The following PTBP2 variants were observed in gnomAD, a reference collection of about 807,000 sequenced individuals.
PTBP2 encodes polypyrimidine tract-binding protein 2.
In PTBP2, 13 loss-of-function variants were observed where a neutral mutation model predicts 61.4. The observed-to-expected ratio is 0.21, with a 90% CI of 0.14 to 0.34. The LOEUF is 0.34. PTBP2 is among the 10% of genes least tolerant of loss of function. The pLI is 1.00. For synonymous variants in PTBP2, 215 were observed against 218.5 expected, an observed-to-expected ratio of 0.98 and a Z score of 0.14; for missense variants, 405 against 642.6, an observed-to-expected ratio of 0.63 and a Z score of 4.00.
At chr1:96,797,278 CA>C (rs2101134297) in intron 8 of PTBP2, among the ~76,000 whole-genome samples, 1 of 152,020 alleles carries the variant, frequency 6.6e-6, no homozygotes, top group East Asian at 1.9e-4. Flanking sequence ...TGAGGGAGAC[CA>C]AAAATGACTT....
intron 8 of PTBP2, among the ~76,000 whole-genome samples, chr1:96,788,841 C>G (rs1320470148): frequency 6.6e-6 from 1 of 151,826 alleles, no homozygotes; most frequent in Admixed American, 6.6e-5. Context: ...TTTCTGTTTC[C>G]TTTAATGCTA....
At chr1:96,779,615 A>C (rs937020616) in intron 7 of PTBP2, among the ~76,000 whole-genome samples, 1 of 152,092 alleles carries the variant, frequency 6.6e-6, no homozygotes, top group Non-Finnish European at 1.5e-5. Context: ...ACAGGTATGC[A>C]CTCAGGTCTT....
chr1:96,777,759 A>G lies in PTBP2; in HGVS notation c.597+10A>G, dbSNP rs1377782021. The G allele has an allele frequency of 1.3e-6, 2 of 1,581,600 alleles. No homozygotes were observed. Among genetic ancestry groups the G allele is most frequent in the Non-Finnish European group, 1.7e-6 (2 of 1,159,694 alleles). ...TGATGTTCTTCACCAAGTAAGTTTA[A>G]TCTGCATAATTACCTATAAATTAGA... On this transcript the variant is annotated intron_variant, in intron 6 of 13. Coordinates refer to ENST00000674951, the MANE Select transcript of PTBP2 (RefSeq NM_021190.4).
chr1:96,759,821 C>T (rs952849081), intron 3 of PTBP2, among the ~76,000 whole-genome samples: 4 of 152,092 alleles, frequency 2.6e-5, no homozygotes, highest in African/African-American at 9.7e-5. Context: ...CTGATAAAGA[C>T]GTACCCGAGA....
chr1:96,782,708 T>A (rs1658816322), intron 7 of PTBP2, among the ~76,000 whole-genome samples: 1 of 152,030 alleles, frequency 6.6e-6, no homozygotes, highest in African/African-American at 2.4e-5. Flanking sequence ...ATTTGGAAGT[T>A]AAGGTTTCTC....
chr1:96,799,293 G>GTTTTTTTTTTTTTTTTTTTTTTTTT (rs1557768004), intron 8 of PTBP2, among the ~76,000 whole-genome samples: 1 of 88,286 alleles, frequency 1.1e-5, no homozygotes, highest in Non-Finnish European at 2.1e-5. Flanking sequence ...AATAGATCAA[G>GTTTTTTTTTTTTTTTTTTTTTTTTT]CTTTTTTTTT....
chr1:96,787,600 G>A (rs1376616554), intron 8 of PTBP2, among the ~76,000 whole-genome samples: 1 of 152,098 alleles, frequency 6.6e-6, no homozygotes, highest in Non-Finnish European at 1.5e-5. Flanking sequence ...AAGTAGGTGA[G>A]TTAAAGGTTT....
rs1184687661 is a variant in PTBP2, at chr1:96,777,692, A to G, written c.540A>G (p.Val180=). ...CAGTGACTCCAGCCCAGAGTCCAGTACTTAGAATAATTATTGACAACATGT... is the reference window on the plus strand; with the variant it reads ...CAGTGACTCCAGCCCAGAGTCCAGTGCTTAGAATAATTATTGACAACATGT... The part of the protein sequence containing the change: ...ESAVTPAQSP[V]LRIIIDNMYY... The change falls in exon 6 of 14, where the codon GTA becomes GTG. Residue 180 remains valine, a synonymous_variant. Transcript: ENST00000674951. 1.2e-6 allele frequency: 2 copies of G among 1,613,002 alleles called. No homozygotes were observed. The highest frequency in any genetic ancestry group is 1.7e-4 in the Middle Eastern group (1 of 6,060).
At chr1:96,792,909 G>C (rs1660002146) in intron 8 of PTBP2, among the ~76,000 whole-genome samples, 1 of 151,882 alleles carries the variant, frequency 6.6e-6, no homozygotes, top group Non-Finnish European at 1.5e-5. Context: ...ATATTTGAAA[G>C]CTGTCCCCCA....
rs1244897984 is a variant in PTBP2, at chr1:96,736,348, G to A, written c.39+12754G>A. On this transcript the variant is annotated intron_variant, in intron 2 of 13. Transcript: ENST00000674951. ...GACCATATAAGAATGTAATAGCAGT[G>A]ATTGATAAGGGGTTTAAAAATAGAA... is the stretch of plus-strand genomic sequence containing the variant. Among the ~76,000 whole-genome samples the A allele has an allele frequency of 4.6e-5, 7 of 152,138 alleles. No individual in the cohort carries two copies. In the East Asian group the frequency reaches 1.4e-3, roughly 29 times the overall value.
intron 8 of PTBP2, among the ~76,000 whole-genome samples, chr1:96,796,378 T>C (rs975718792): frequency 6.6e-6 from 1 of 151,920 alleles, no homozygotes; most frequent in South Asian, 2.1e-4. Flanking sequence ...CTGTCACCAT[T>C]ATATGTCTTT....
intron 2 of PTBP2, among the ~76,000 whole-genome samples, chr1:96,731,466 C>T (rs1267012179): frequency 6.6e-6 from 1 of 152,024 alleles, no homozygotes; most frequent in Non-Finnish European, 1.5e-5. Context: ...TGTTTGTGTA[C>T]TGGACCTAGT....
At chr1:96,801,020 T>C (rs1203065460) in intron 8 of PTBP2, among the ~76,000 whole-genome samples, 1 of 152,152 alleles carries the variant, frequency 6.6e-6, no homozygotes, top group Admixed American at 6.5e-5. Flanking sequence ...TTTCATTAGA[T>C]TGTTAAAATG....
rs764030235 is a variant in PTBP2 at position 96,813,545 on chromosome 1, T to C, written c.*140T>C. On this transcript the variant is annotated 3_prime_UTR_variant, in exon 14 of 14. Coordinates refer to ENST00000674951, the MANE Select transcript of PTBP2 (RefSeq NM_021190.4). ...TTTCTTTTTTTTTTCCATGCTGTTA[T>C]CATTCCTTGGTTATAAAATGAAATG... 1.3e-6 allele frequency: 1 copy of C among 782,232 alleles called. No homozygotes were observed. The highest frequency in any genetic ancestry group is 3.6e-5 in the South Asian group (1 of 28,068). The allele number at this position is 782,232 out of a possible 1,614,324, so 48.5% of individuals were successfully genotyped here. A position where few individuals can be genotyped will look rare whatever the true frequency, so the allele number is the denominator to read the frequency against.
At chr1:96,797,348 A>T (rs549116099) in intron 8 of PTBP2, among the ~76,000 whole-genome samples, 1 of 152,332 alleles carries the variant, frequency 6.6e-6, no homozygotes, top group East Asian at 1.9e-4. Context: ...TAAAAAGTTA[A>T]TCTGAGGAAC....
chr1:96,807,940 G>T (rs1415774536), intron 11 of PTBP2, among the ~76,000 whole-genome samples: 1 of 152,074 alleles, frequency 6.6e-6, no homozygotes, highest in Non-Finnish European at 1.5e-5. Flanking sequence ...TTCTCTGTGT[G>T]CACTTCTGTA....
At chr1:96,807,776 G>A (rs273883) in intron 11 of PTBP2, among the ~76,000 whole-genome samples, 41,031 of 152,106 alleles carry the variant, frequency 0.27, 6,764 homozygotes, top group East Asian at 0.44. Flanking sequence ...CACATAATAG[G>A]TTTGAATTTT....
intron 5 of PTBP2, 63 bp from the exon 6 acceptor site, chr1:96,777,522 A>G: frequency 7.0e-7 from 1 of 1,429,616 alleles, no homozygotes; most frequent in Non-Finnish European, 9.4e-7. Context: ...TAGTAGTGTA[A>G]CAGGTTGCAA....
Position 96,743,468 on chromosome 1 carries a change from A to G in PTBP2, c.40-7957A>G, listed in dbSNP as rs948845395. ...TGTTGTATGTCAGCTTGCTCCATCTATTACAGAGCGCATCATCCTTTCACC... is the reference window on the plus strand; with the variant it reads ...TGTTGTATGTCAGCTTGCTCCATCTGTTACAGAGCGCATCATCCTTTCACC... On this transcript the variant is annotated intron_variant, in intron 2 of 13. Transcript: ENST00000674951. Among the ~76,000 whole-genome samples the G allele has an allele frequency of 2.6e-5, 4 of 152,152 alleles. No homozygotes were observed. The East Asian group carries it at 7.7e-4, about 29-fold the overall frequency.
Sources: allele counts gnomAD v4.1 joint callset (sites outside exome capture counted in the v4.1 genomes callset), GRCh38; gene constraint gnomAD v4.1.1; transcripts MANE v1.5; gene names NCBI Gene and HGNC (gene_info 2026-07-23, HGNC 2026-07-21).